Variants in RIMS2 observed in about 807,000 individuals in gnomAD.
RIMS2 encodes regulating synaptic membrane exocytosis 2, also known as regulating synaptic membrane exocytosis protein 2.
In RIMS2, 59 loss-of-function variants were observed where a neutral mutation model predicts 174.4. The observed-to-expected ratio is 0.34, with a 90% CI of 0.27 to 0.42. The LOEUF is 0.42. Among genes scored for constraint, RIMS2 ranks in the 10% least tolerant of loss-of-function variants. The pLI, the probability that RIMS2 is intolerant of heterozygous loss-of-function variation, is 1.00. For missense variants in RIMS2, 1,620 were observed against 1,666.3 expected, an observed-to-expected ratio of 0.97 and a Z score of 0.48; for synonymous variants, 606 against 572.5, an observed-to-expected ratio of 1.06 and a Z score of -0.84.
At chr8:103,914,727 C>T (rs2076347164) in intron 6 of RIMS2, among the ~76,000 whole-genome samples, 1 of 151,978 alleles carries the variant, frequency 6.6e-6, no homozygotes, top group African/African-American at 2.4e-5. Context: ...AGAGAAAAAC[C>T]AATTCATTTC....
intron 1 of RIMS2, among the ~76,000 whole-genome samples, chr8:103,648,548 G>A (rs1044328429): frequency 6.6e-6 from 1 of 152,084 alleles, no homozygotes; most frequent in Admixed American, 6.5e-5. Flanking sequence ...GGGTGTTAAA[G>A]TCTCCCACTA....
chr8:103,848,653 AC>A (rs2098980705), intron 3 of RIMS2, among the ~76,000 whole-genome samples: 1 of 151,794 alleles, frequency 6.6e-6, no homozygotes, highest in Admixed American at 6.6e-5. Context: ...CTATTCTAGA[AC>A]CCTATGGGTT....
intron 3 of RIMS2, among the ~76,000 whole-genome samples, chr8:103,856,361 T>G (rs2099027749): frequency 6.6e-6 from 1 of 152,200 alleles, no homozygotes; most frequent in African/African-American, 2.4e-5. Context: ...TTATCCAACT[T>G]GCTGTGTCGC....
At chr8:104,114,781 A>G (rs79145522) in intron 19 of RIMS2, among the ~76,000 whole-genome samples, 2,637 of 152,064 alleles carry the variant, frequency 0.017, 133 homozygotes, top group East Asian at 0.15. Context: ...TAAAATATCA[A>G]TATGCTTACA....
At chr8:104,104,267 G>A (rs1234502854) in intron 19 of RIMS2, among the ~76,000 whole-genome samples, 1 of 152,106 alleles carries the variant, frequency 6.6e-6, no homozygotes, top group East Asian at 1.9e-4. Flanking sequence ...CAAATTAAAG[G>A]GTTGTTGAAT....
chr8:103,803,663 A>T lies in RIMS2; in HGVS notation c.698+37126A>T, dbSNP rs555526081. On this transcript the variant is annotated intron_variant, in intron 3 of 23. Coordinates refer to ENST00000504942, the Ensembl canonical transcript of RIMS2. ...GGCAAAGATGTTGGGATAGTCAGTT[A>T]TATAGTTATATCACATTGTATGAGA... is the stretch of plus-strand genomic sequence containing the variant. 3.3e-5 allele frequency among the ~76,000 whole-genome samples: 5 copies of T among 152,188 alleles called. No individual in the cohort carries two copies. In the South Asian group the frequency reaches 8.3e-4, roughly 25 times the overall value.
chr8:103,853,878 T>C (rs2099012598), intron 3 of RIMS2, among the ~76,000 whole-genome samples: 1 of 152,136 alleles, frequency 6.6e-6, no homozygotes, highest in African/African-American at 2.4e-5. Context: ...TCTTTTTTGA[T>C]TCTATATGAA....
chr8:104,102,002 G>A lies in RIMS2; in HGVS notation c.3334+87387G>A, dbSNP rs553447086. ...GACATTTTCCAGGATCCCATCCTGG[G>A]CCCTCTTTTCTTCACTATCTACACG... On this transcript the variant is annotated intron_variant, in intron 19 of 23. Coordinates refer to ENST00000504942, the Ensembl canonical transcript of RIMS2. Among the ~76,000 whole-genome samples, 25 of 151,808 alleles carry A rather than the reference G, an allele frequency of 1.6e-4. No homozygotes were observed. The East Asian group carries it at 4.1e-3, about 25-fold the overall frequency.
At chr8:103,686,113 AT>A (rs1424033412) in intron 1 of RIMS2, among the ~76,000 whole-genome samples, 1 of 152,116 alleles carries the variant, frequency 6.6e-6, no homozygotes, top group Non-Finnish European at 1.5e-5. Context: ...GTTTATAAAA[AT>A]ATTCATTTTC....
chr8:104,017,551 G>A (rs982174907), intron 19 of RIMS2, among the ~76,000 whole-genome samples: 4 of 151,914 alleles, frequency 2.6e-5, no homozygotes, highest in Admixed American at 6.6e-5. Flanking sequence ...TTTGTAAAAT[G>A]TCATTTTCTC....
intron 2 of RIMS2, among the ~76,000 whole-genome samples, chr8:103,750,863 G>A (rs1278861773): frequency 6.6e-6 from 1 of 152,066 alleles, no homozygotes; most frequent in African/African-American, 2.4e-5. Flanking sequence ...ATTACCCAGC[G>A]ATATGCTTTG....
chr8:104,001,803 C>T (rs988114672), intron 17 of RIMS2, among the ~76,000 whole-genome samples: 4 of 151,902 alleles, frequency 2.6e-5, no homozygotes, highest in Non-Finnish European at 5.9e-5. Flanking sequence ...TGTAATGTTT[C>T]GTGATTGTTA....
intron 2 of RIMS2, among the ~76,000 whole-genome samples, chr8:103,729,907 T>C (rs2097570525): frequency 6.6e-6 from 1 of 152,228 alleles, no homozygotes; most frequent in Admixed American, 6.5e-5. Flanking sequence ...TCAGAGAAGA[T>C]ACTTAATATA....
chr8:103,525,812 T>C (rs1386545421), intron 1 of RIMS2, among the ~76,000 whole-genome samples: 1 of 152,136 alleles, frequency 6.6e-6, no homozygotes, highest in African/African-American at 2.4e-5. Flanking sequence ...ATTTTACAGA[T>C]GAGAAAAATT....
At chr8:103,753,076 A>G (rs542987384) in intron 2 of RIMS2, among the ~76,000 whole-genome samples, 429 of 152,198 alleles carry the variant, frequency 2.8e-3, no homozygotes, top group Non-Finnish European at 4.8e-3. Context: ...TGGGTTTGTC[A>G]TAGATAGCTC....
intron 1 of RIMS2, among the ~76,000 whole-genome samples, chr8:103,542,009 C>A (rs552375335): frequency 6.6e-6 from 1 of 151,816 alleles, no homozygotes; most frequent in African/African-American, 2.4e-5. Flanking sequence ...CAAAGTAAGA[C>A]GGCTGGAGAA....
At chr8:104,104,821 A>T (rs2098004589) in intron 19 of RIMS2, among the ~76,000 whole-genome samples, 1 of 151,566 alleles carries the variant, frequency 6.6e-6, no homozygotes, top group African/African-American at 2.4e-5. Flanking sequence ...CAAAGGCTGC[A>T]GTGAGCTGAG....
At chr8:103,583,339 A>G (rs573814374) in intron 1 of RIMS2, among the ~76,000 whole-genome samples, 11 of 152,298 alleles carry the variant, frequency 7.2e-5, no homozygotes, top group African/African-American at 2.6e-4. Flanking sequence ...TAGATAGTGT[A>G]TACTACCATA....
At chr8:103,724,943 G>T (rs2097507433) in intron 2 of RIMS2, among the ~76,000 whole-genome samples, 2 of 152,150 alleles carry the variant, frequency 1.3e-5, no homozygotes, top group Admixed American at 1.3e-4. Context: ...AGGGACTGTT[G>T]TTGGGAGTGG....
Sources: allele counts gnomAD v4.1 joint callset (sites outside exome capture counted in the v4.1 genomes callset), GRCh38; gene constraint gnomAD v4.1.1; transcripts MANE v1.5; gene names NCBI Gene and HGNC (gene_info 2026-07-23, HGNC 2026-07-21).